Variants in CSNK1G3 observed in about 807,000 individuals in gnomAD.
CSNK1G3 encodes the protein casein kinase I isoform gamma-3.
A neutral mutation model predicts 64.3 loss-of-function variants in CSNK1G3; 23 were observed. The observed-to-expected ratio is 0.36, with a 90% CI of 0.26 to 0.51. The LOEUF (loss-of-function observed/expected upper bound fraction) is 0.51, where lower values mean the gene tolerates loss of function less well. Ranked by LOEUF, CSNK1G3 falls within the 20% of genes least tolerant of loss-of-function variation. CSNK1G3 has a pLI of 0.96. For synonymous variants in CSNK1G3, 158 were observed against 162.2 expected (o/e 0.97, Z 0.20); for missense variants, 357 against 510.5 (o/e 0.70, Z 2.90).
intron 4 of CSNK1G3, among the ~76,000 whole-genome samples, chr5:123,568,378 G>A (rs956388404): frequency 1.3e-5 from 2 of 152,096 alleles, no homozygotes; most frequent in African/African-American, 4.8e-5. Context: ...GTTGTCACCG[G>A]TTGTCATGTA....
intron 10 of CSNK1G3, among the ~76,000 whole-genome samples, chr5:123,592,285 G>C (rs568618368): frequency 1.2e-4 from 18 of 152,022 alleles, no homozygotes; most frequent in African/African-American, 4.3e-4. Context: ...AATAGCAAGC[G>C]GTTCAAATTT....
intron 4 of CSNK1G3, among the ~76,000 whole-genome samples, chr5:123,565,969 A>G (rs1240155169): frequency 6.6e-6 from 1 of 152,156 alleles, no homozygotes; most frequent in African/African-American, 2.4e-5. Flanking sequence ...AGGGGACAAC[A>G]CCCAAACTAT....
At chr5:123,610,422 A>G (rs1390988794) in intron 12 of CSNK1G3, among the ~76,000 whole-genome samples, 1 of 152,150 alleles carries the variant, frequency 6.6e-6, no homozygotes. Context: ...AGGATGAGCA[A>G]TGAGTCATCT....
chr5:123,614,926 T>C (rs1306786650), exon 13 of CSNK1G3: 1 of 152,770 alleles, frequency 6.5e-6, no homozygotes, highest in Non-Finnish European at 1.5e-5. Context: ...GATGGTACTG[T>C]TATTCATAAG....
chr5:123,609,862 T>C (rs892391296), intron 12 of CSNK1G3, among the ~76,000 whole-genome samples: 4 of 151,812 alleles, frequency 2.6e-5, no homozygotes, highest in African/African-American at 9.7e-5. Flanking sequence ...AACTTAATGC[T>C]TTAGTCAATG....
At chr5:123,543,444 G>C (rs1045297837) in intron 1 of CSNK1G3, among the ~76,000 whole-genome samples, 1 of 151,894 alleles carries the variant, frequency 6.6e-6, no homozygotes, top group Non-Finnish European at 1.5e-5. Flanking sequence ...TTTTCTGTTC[G>C]GTTTTTTTAG....
chr5:123,563,160 G>A (rs998630408), intron 4 of CSNK1G3, among the ~76,000 whole-genome samples: 2 of 151,944 alleles, frequency 1.3e-5, no homozygotes, highest in Non-Finnish European at 2.9e-5. Flanking sequence ...CTACTTATCA[G>A]AGGAAGTAAA....
At chr5:123,576,578 G>A (rs6888742) in intron 6 of CSNK1G3, among the ~76,000 whole-genome samples, 4,773 of 152,034 alleles carry the variant, frequency 0.031, 92 homozygotes, top group East Asian at 0.066. Context: ...ATTTTCATCT[G>A]GAACAGTTCC....
At chr5:123,544,362 G>A (rs1782188039) in intron 1 of CSNK1G3, among the ~76,000 whole-genome samples, 2 of 152,106 alleles carry the variant, frequency 1.3e-5, no homozygotes, top group African/African-American at 4.8e-5. Context: ...GCCCCAGTTA[G>A]TCACTACTTG....
intron 10 of CSNK1G3, among the ~76,000 whole-genome samples, chr5:123,599,773 CT>C (rs1270967826): frequency 6.6e-6 from 1 of 151,280 alleles, no homozygotes; most frequent in Non-Finnish European, 1.5e-5. Context: ...GGTTATGTGC[CT>C]TTATTACATA....
chr5:123,612,425 C>T (rs1275003401), intron 12 of CSNK1G3, among the ~76,000 whole-genome samples: 5 of 151,522 alleles, frequency 3.3e-5, no homozygotes, highest in Non-Finnish European at 7.4e-5. Flanking sequence ...ATAAAACATA[C>T]CTAGTAGTTA....
At chr5:123,573,479 T>G in exon 5 of CSNK1G3, 1 of 1,613,900 alleles carries the variant, frequency 6.2e-7, no homozygotes, top group Admixed American at 1.7e-5. Flanking sequence ...TTTGGAAGAC[T>G]TGTTTGACTT....
chr5:123,595,244 A>G (rs1023328144), intron 10 of CSNK1G3, 110 bp downstream of exon 11: 17 of 974,200 alleles, frequency 1.7e-5, no homozygotes, highest in African/African-American at 6.6e-5. Context: ...TTGTTGCTGA[A>G]CTACTCTATC....
chr5:123,519,124 G>T (rs1356352586), intron 1 of CSNK1G3, among the ~76,000 whole-genome samples: 1 of 152,080 alleles, frequency 6.6e-6, no homozygotes, highest in Admixed American at 6.5e-5. Context: ...CATGATCTCG[G>T]TTCATTGCAA....
Position 123,554,262 on chromosome 5 carries a change from C to T in CSNK1G3, c.219+1115C>T, listed in dbSNP as rs377113645. Among the ~76,000 whole-genome samples the T allele has an allele frequency of 2.6e-5, 4 of 152,140 alleles. No homozygotes were observed. In the South Asian group the frequency reaches 6.2e-4, roughly 24 times the overall value. On this transcript the variant is annotated intron_variant, in intron 3 of 12. Coordinates refer to ENST00000345990, the Ensembl canonical transcript of CSNK1G3. ...AGACTGGATTTTACCTAGATGAGTC[C>T]GTCTTGGTATTAAGATCTGGTCCTT...
At chr5:123,529,492 T>C (rs1004720680) in intron 1 of CSNK1G3, among the ~76,000 whole-genome samples, 1 of 152,302 alleles carries the variant, frequency 6.6e-6, no homozygotes, top group Admixed American at 6.5e-5. Flanking sequence ...TGAGATCTTT[T>C]TGGGGGCAAG....
intron 12 of CSNK1G3, among the ~76,000 whole-genome samples, chr5:123,613,190 T>C (rs918019919): frequency 6.8e-6 from 1 of 147,416 alleles, no homozygotes; most frequent in Non-Finnish European, 1.5e-5. Flanking sequence ...ATTTTTTTCT[T>C]TTTTTTTTTT....
At chr5:123,614,260 A>C in intron 12 of CSNK1G3, 82 bp from the exon 14 acceptor site, 1 of 1,372,708 alleles carries the variant, frequency 7.3e-7, no homozygotes, top group Non-Finnish European at 1.0e-6. Flanking sequence ...GCTTTTTATG[A>C]TCATTTAAGT....
At chr5:123,594,563 A>G (rs1200152983) in intron 10 of CSNK1G3, among the ~76,000 whole-genome samples, 1 of 152,164 alleles carries the variant, frequency 6.6e-6, no homozygotes, top group Non-Finnish European at 1.5e-5. Flanking sequence ...AAGAGAGAAA[A>G]TATTTTTAGA....
Sources: allele counts gnomAD v4.1 joint callset (sites outside exome capture counted in the v4.1 genomes callset), GRCh38; gene constraint gnomAD v4.1.1; transcripts MANE v1.5; gene names NCBI Gene and HGNC (gene_info 2026-07-23, HGNC 2026-07-21).